The following ERO1A variants were observed in gnomAD, a reference collection of about 807,000 sequenced individuals.
ERO1A encodes the protein ERO1-like protein alpha.
In ERO1A, 49 loss-of-function variants were observed where a neutral mutation model predicts 76.9. The observed-to-expected ratio is 0.64, with a 90% CI of 0.51 to 0.81. The LOEUF (loss-of-function observed/expected upper bound fraction) is 0.81. Ranked by LOEUF, ERO1A falls within the 30% of genes least tolerant of loss-of-function variation. The probability of loss-of-function intolerance (pLI) is 0.00; values close to 1 mark genes in which losing one functional copy is unlikely to be tolerated. For missense variants in ERO1A, 448 were observed against 542.1 expected, an observed-to-expected ratio of 0.83 and a Z score of 1.72; for synonymous variants, 174 against 181.2, an observed-to-expected ratio of 0.96 and a Z score of 0.32.
At chr14:52,658,077 A>G (rs762659542) in intron 10 of ERO1A, 47 bp downstream of exon 10, 1 of 1,494,248 alleles carries the variant, frequency 6.7e-7, no homozygotes, top group African/African-American at 1.4e-5. Context: ...AATTAATCTC[A>G]TGAGAAAAAA....
At chr14:52,658,190 T>G (rs2040114946) in intron 9 of ERO1A, 40 bp from the exon 10 acceptor site, 2 of 1,389,748 alleles carry the variant, frequency 1.4e-6, no homozygotes, top group East Asian at 4.6e-5. Context: ...AATAGAAAAA[T>G]GCCAAAATAC....
intron 4 of ERO1A, among the ~76,000 whole-genome samples, chr14:52,672,702 C>T (rs950097601): frequency 1.4e-5 from 2 of 146,426 alleles, no homozygotes; most frequent in Middle Eastern, 3.7e-3. Flanking sequence ...CCCAGGAGTT[C>T]GAGGTTACAG....
intron 12 of ERO1A, 56 bp from the exon 13 acceptor site, chr14:52,652,364 T>C (rs950302556): frequency 3.3e-6 from 4 of 1,200,586 alleles, no homozygotes; most frequent in Middle Eastern, 2.1e-4. Flanking sequence ...TTAAAAGTCC[T>C]GCTAATACAA....
intron 1 of ERO1A, among the ~76,000 whole-genome samples, chr14:52,695,010 G>A (rs1269075411): frequency 6.6e-6 from 1 of 152,236 alleles, no homozygotes; most frequent in African/African-American, 2.4e-5. Flanking sequence ...CAAGAGAGAA[G>A]TGAGAAAGAT....
Position 52,653,064 on chromosome 14 carries a change from T to C in ERO1A, c.1055+5A>G, listed in dbSNP as rs1165132915. The C allele has an allele frequency of 8.1e-6, 12 of 1,480,604 alleles. No homozygotes were observed. The highest frequency in any genetic ancestry group is 1.9e-4 in the Middle Eastern group (1 of 5,302). The allele number at this position is 1,480,604 out of a possible 1,614,324, so 91.7% of individuals were successfully genotyped here. On this transcript the variant is annotated splice_donor_5th_base_variant and intron_variant, in intron 12 of 15. Transcript: ENST00000395686. Reference sequence around the variant, plus strand: ...TTAATGTATAAAGTTTAATATATAATTTACTTGATTTCATGAAGTATTTCC... The same window carrying C: ...TTAATGTATAAAGTTTAATATATAACTTACTTGATTTCATGAAGTATTTCC...
chr14:52,657,911 A>T lies in ERO1A; in HGVS notation c.808+6T>A, dbSNP rs771614996. ...GGTAGACTGAATAAAAGTAAATGTC[A>T]CATACCTTGTAAAAGATATCTTGCA... is the stretch of plus-strand genomic sequence containing the variant. On this transcript the variant is annotated splice_donor_region_variant and intron_variant, in intron 11 of 15. Coordinates refer to ENST00000395686, the MANE Select transcript of ERO1A (RefSeq NM_014584.3). The T allele has an allele frequency of 1.5e-5, 24 of 1,586,094 alleles. No homozygotes were observed. Among genetic ancestry groups the T allele is most frequent in the Non-Finnish European group, 2.1e-5 (24 of 1,161,372 alleles).
intron 1 of ERO1A, among the ~76,000 whole-genome samples, chr14:52,692,016 A>G (rs1172284033): frequency 2.0e-5 from 3 of 152,264 alleles, no homozygotes; most frequent in Non-Finnish European, 4.4e-5. Flanking sequence ...ATATGTAGCA[A>G]CTGACCAAAT....
intron 3 of ERO1A, among the ~76,000 whole-genome samples, 179 bp downstream of exon 3, chr14:52,682,146 C>A (rs899283390): frequency 4.6e-5 from 7 of 152,252 alleles, no homozygotes; most frequent in Admixed American, 1.3e-4. Flanking sequence ...GTAATCCCAG[C>A]ACTCTGGGAG....
chr14:52,672,036 G>T, intron 4 of ERO1A, 165 bp from the exon 5 acceptor site: 1 of 548,636 alleles, frequency 1.8e-6, no homozygotes. Context: ...CAGGTACGGT[G>T]GCTCACGCCT....
chr14:52,686,798 C>G (rs546133645), intron 1 of ERO1A, among the ~76,000 whole-genome samples: 3 of 151,846 alleles, frequency 2.0e-5, no homozygotes, highest in Admixed American at 2.0e-4. Context: ...TCGCTTGAAC[C>G]GGGGAGGCAG....
chr14:52,676,991 G>T (rs752300950), intron 4 of ERO1A, among the ~76,000 whole-genome samples: 4 of 151,860 alleles, frequency 2.6e-5, no homozygotes, highest in Non-Finnish European at 4.4e-5. Flanking sequence ...AATCAGAAAG[G>T]ATGTCAGGAC....
chr14:52,666,331 C>T (rs745761082), intron 7 of ERO1A, 44 bp downstream of exon 7: 1 of 1,386,670 alleles, frequency 7.2e-7, no homozygotes, highest in Non-Finnish European at 1.0e-6. Flanking sequence ...AAAGAGAAAT[C>T]ACCACATCTT....
chr14:52,663,658 C>G (rs527994105), intron 8 of ERO1A, 143 bp downstream of exon 8: 16 of 512,326 alleles, frequency 3.1e-5, no homozygotes, highest in Non-Finnish European at 5.7e-5. Flanking sequence ...CCAATCTCTG[C>G]AAGCGTGAGG....
chr14:52,688,548 C>T (rs1357393986), intron 1 of ERO1A, among the ~76,000 whole-genome samples: 1 of 152,214 alleles, frequency 6.6e-6, no homozygotes. Flanking sequence ...CCTACTTCTA[C>T]TTAAATGCTT....
chr14:52,672,787 A>AC (rs1406652326), intron 4 of ERO1A, among the ~76,000 whole-genome samples: 2 of 150,942 alleles, frequency 1.3e-5, no homozygotes, highest in African/African-American at 4.8e-5. Context: ...AAAAAAAAAA[A>AC]AAAAAACAAA....
intron 13 of ERO1A, chr14:52,646,682 A>G (rs1367640325): frequency 2.5e-6 from 1 of 396,934 alleles, no homozygotes; most frequent in East Asian, 3.8e-5. Context: ...TATAATCTAC[A>G]CCTAATGAAT....
At position 52,641,600 on chromosome 14, in the gene ERO1A, C is replaced by CAAG; in HGVS notation, c.*1967_*1969dup. ...CTGCACTCCAACCTGGGCGACACAG[C>CAAG]AAGACTCCGTCTCCAAAAAATAAAA... On this transcript the variant is annotated 3_prime_UTR_variant, in exon 16 of 16. Coordinates refer to ENST00000395686, the MANE Select transcript of ERO1A (RefSeq NM_014584.3). The CAAG allele has an allele frequency of 6.6e-6, 1 of 151,968 alleles. No homozygotes were observed. Among genetic ancestry groups the CAAG allele is most frequent in the African/African-American group, 2.4e-5 (1 of 41,440 alleles). 9.4% of individuals were successfully genotyped at this position (151,968 alleles called of 1,614,324 possible). A position where few individuals can be genotyped will look rare whatever the true frequency, so the allele number is the denominator to read the frequency against.
At chr14:52,693,194 A>G (rs1380447620) in intron 1 of ERO1A, among the ~76,000 whole-genome samples, 1 of 152,046 alleles carries the variant, frequency 6.6e-6, no homozygotes, top group East Asian at 1.9e-4. Context: ...TGATGCAATC[A>G]TGGCTTACTG....
In ERO1A at chr14:52,671,035, C is replaced by G. The variant is rs79347744; in HGVS notation, c.508+595G>C. Among the ~76,000 whole-genome samples the G allele has an allele frequency of 6.2e-3, 947 of 152,286 alleles. 4 individuals carry two copies. Among genetic ancestry groups the G allele is most frequent in the African/African-American group, 0.021 (885 of 41,556 alleles). Reference sequence around the variant, plus strand: ...ACCCCAACCTCTGATAATCTTTAATCTACTTTCTGTCTCCATGAATTTGCC... The same window carrying G: ...ACCCCAACCTCTGATAATCTTTAATGTACTTTCTGTCTCCATGAATTTGCC... On this transcript the variant is annotated intron_variant, in intron 6 of 15. Transcript: ENST00000395686.
Sources: allele counts gnomAD v4.1 joint callset (sites outside exome capture counted in the v4.1 genomes callset), GRCh38; gene constraint gnomAD v4.1.1; transcripts MANE v1.5; gene names NCBI Gene and HGNC (gene_info 2026-07-23, HGNC 2026-07-21).